Variants in DLGAP4 observed in about 807,000 individuals in gnomAD.
DLGAP4 encodes DLG associated protein 4.
A neutral mutation model predicts 86.9 loss-of-function variants in DLGAP4; 18 were observed. The observed-to-expected ratio is 0.21, with a 90% CI of 0.14 to 0.31. DLGAP4 has a LOEUF of 0.31. DLGAP4 is among the 10% of genes least tolerant of loss of function. The probability of loss-of-function intolerance (pLI) is 1.00; values close to 1 mark genes in which losing one functional copy is unlikely to be tolerated. For missense variants in DLGAP4, 1,085 were observed against 1,362.6 expected, an observed-to-expected ratio of 0.80 and a Z score of 3.21; for synonymous variants, 548 against 574.3, an observed-to-expected ratio of 0.95 and a Z score of 0.65.
At chr20:36,456,070 T>C (rs2033870993) in intron 7 of DLGAP4, among the ~76,000 whole-genome samples, 1 of 152,214 alleles carries the variant, frequency 6.6e-6, no homozygotes, top group African/African-American at 2.4e-5. Flanking sequence ...CCACCATCGA[T>C]TCGCGATGTC....
intron 1 of DLGAP4, among the ~76,000 whole-genome samples, chr20:36,328,777 ATT>A (rs540189750): frequency 5.1e-4 from 70 of 138,206 alleles, no homozygotes; most frequent in African/African-American, 1.8e-3. Context: ...CACCCAGCTA[ATT>A]TTTTTTTTTT....
chr20:36,426,703 G>A (rs184610446), intron 2 of DLGAP4, among the ~76,000 whole-genome samples: 4 of 152,266 alleles, frequency 2.6e-5, no homozygotes, highest in Non-Finnish European at 5.9e-5. Context: ...CACGCTTAAA[G>A]ATGGTTAAAA....
At chr20:36,449,854 CAG>C (rs1364076977) in intron 7 of DLGAP4, among the ~76,000 whole-genome samples, 1 of 152,212 alleles carries the variant, frequency 6.6e-6, no homozygotes, top group Admixed American at 6.5e-5. Context: ...ACCACAAAAT[CAG>C]TGTAATACAA....
intron 12 of DLGAP4, 114 bp from the exon 13 acceptor site, chr20:36,526,699 G>C (rs1490506725): frequency 2.5e-5 from 24 of 949,702 alleles, no homozygotes; most frequent in Non-Finnish European, 3.6e-5. Flanking sequence ...GCTTGTGCCC[G>C]ATGCGGGGAG....
In DLGAP4 at chr20:36,411,578, C is replaced by T. The variant is rs139739466; in HGVS notation, c.-72-20068C>T. 3.7e-3 allele frequency among the ~76,000 whole-genome samples: 563 copies of T among 152,314 alleles called. 3 individuals carry two copies. Among genetic ancestry groups the T allele is most frequent in the Non-Finnish European group, 6.5e-3 (439 of 68,030 alleles). ...GGCCCCACACACCCATCATTTCCCACGTGCATAAGGCAAGGCCGCTGGTAA... is the reference window on the plus strand; with the variant it reads ...GGCCCCACACACCCATCATTTCCCATGTGCATAAGGCAAGGCCGCTGGTAA... On this transcript the variant is annotated intron_variant, in intron 2 of 12. Coordinates refer to ENST00000339266, the MANE Select transcript of DLGAP4 (RefSeq NM_001365621.2).
At chr20:36,416,752 A>G (rs1166614128) in intron 2 of DLGAP4, among the ~76,000 whole-genome samples, 2 of 152,068 alleles carry the variant, frequency 1.3e-5, no homozygotes, top group East Asian at 3.9e-4. Flanking sequence ...AGGGTGTTTT[A>G]AGGAATGTTC....
intron 1 of DLGAP4, among the ~76,000 whole-genome samples, chr20:36,324,687 T>C (rs1450500084): frequency 6.6e-6 from 1 of 152,238 alleles, no homozygotes; most frequent in Non-Finnish European, 1.5e-5. Flanking sequence ...TTCTGTTCCA[T>C]TGATCTATCC....
At chr20:36,331,595 C>T (rs958891226) in intron 1 of DLGAP4, among the ~76,000 whole-genome samples, 2 of 152,180 alleles carry the variant, frequency 1.3e-5, no homozygotes, top group Admixed American at 1.3e-4. Flanking sequence ...AGCAGAATCT[C>T]CCTCATCACT....
chr20:36,396,681 C>A (rs1248903953), intron 2 of DLGAP4, among the ~76,000 whole-genome samples: 1 of 81,496 alleles, frequency 1.2e-5, no homozygotes, highest in Non-Finnish European at 2.8e-5. Context: ...CATACACATA[C>A]CATGAGGGAT....
intron 1 of DLGAP4, among the ~76,000 whole-genome samples, chr20:36,317,282 T>TA (rs1171737937): frequency 0.33 from 9,739 of 29,596 alleles, 502 homozygotes; most frequent in East Asian, 0.49. Context: ...TTTCTTATCT[T>TA]TCTTTCTTTC....
At chr20:36,320,121 C>G (rs1471550068) in intron 1 of DLGAP4, among the ~76,000 whole-genome samples, 4 of 123,678 alleles carry the variant, frequency 3.2e-5, no homozygotes, top group Non-Finnish European at 6.6e-5. Flanking sequence ...CCCCTAGGCC[C>G]CCCTCTGTGT....
chr20:36,410,127 A>T (rs2032456570), intron 2 of DLGAP4, among the ~76,000 whole-genome samples: 1 of 152,160 alleles, frequency 6.6e-6, no homozygotes, highest in African/African-American at 2.4e-5. Flanking sequence ...CTGATAGGCA[A>T]ATACGAATAA....
intron 2 of DLGAP4, among the ~76,000 whole-genome samples, chr20:36,422,068 C>T (rs2032844631): frequency 6.6e-6 from 1 of 152,038 alleles, no homozygotes; most frequent in African/African-American, 2.4e-5. Flanking sequence ...GAAGGGTGCC[C>T]AAAGACACAG....
intron 1 of DLGAP4, among the ~76,000 whole-genome samples, chr20:36,320,783 A>AC (rs1465396513): frequency 1.3e-5 from 2 of 151,810 alleles, no homozygotes; most frequent in African/African-American, 4.8e-5. Flanking sequence ...CCCTCTACCG[A>AC]CTTTGGACGG....
At chr20:36,342,125 G>T (rs1383173070) in intron 1 of DLGAP4, among the ~76,000 whole-genome samples, 1 of 152,148 alleles carries the variant, frequency 6.6e-6, no homozygotes, top group Non-Finnish European at 1.5e-5. Context: ...CTGGGCTGGG[G>T]TCTCCCCAGC....
Position 36,432,534 on chromosome 20 carries a change from C to A in DLGAP4, c.817C>A (p.Pro273Thr), listed in dbSNP as rs750291383. The A allele has an allele frequency of 1.2e-6, 2 of 1,607,220 alleles. No individual in the cohort carries two copies. The highest frequency in any genetic ancestry group is 1.1e-5 in the South Asian group (1 of 89,778). Residue 273 changes from proline (P) to threonine (T), a missense_variant, in exon 3 of 13, where the codon CCC becomes ACC. By Grantham distance (38) the Pro-to-Thr change is conservative. Coordinates refer to ENST00000339266, the MANE Select transcript of DLGAP4 (RefSeq NM_001365621.2). The surrounding 1 kb of genome is among the most constrained non-coding windows in gnomAD (Gnocchi z 6.5). ...GACTGCCCCACCACCCCCGCCCGCA[C>A]CCCCAGCCACCTGCCCCAGCCTTGG... ...ELTAPPPPPA[P>T]PATCPSLGVG...
At chr20:36,401,586 A>G (rs559254490) in intron 2 of DLGAP4, among the ~76,000 whole-genome samples, 3 of 152,358 alleles carry the variant, frequency 2.0e-5, no homozygotes, top group East Asian at 3.9e-4. Context: ...CTCATCTGAC[A>G]AACAGTCCCT....
intron 7 of DLGAP4, chr20:36,461,899 A>C: frequency 3.1e-6 from 3 of 981,408 alleles, no homozygotes; most frequent in Non-Finnish European, 3.6e-6. Flanking sequence ...CTCGCTCCCC[A>C]TCTCGGGTCC....
At chr20:36,421,634 T>C (rs2032831449) in intron 2 of DLGAP4, among the ~76,000 whole-genome samples, 1 of 151,892 alleles carries the variant, frequency 6.6e-6, no homozygotes, top group Non-Finnish European at 1.5e-5. Flanking sequence ...TTTTACAGTT[T>C]GTGCTGCTGA....
Sources: gnomAD v4.1 joint callset for allele counts (sites outside exome capture counted in the v4.1 genomes callset) on GRCh38, gnomAD v4.1.1 for gene constraint, Gnocchi (gnomAD v3.1) non-coding constraint, MANE v1.5 for transcripts, NCBI Gene and HGNC (gene_info 2026-07-23, HGNC 2026-07-21) for gene names.